The following DNAH2 variants were observed in gnomAD, a reference collection of about 807,000 sequenced individuals.
DNAH2 encodes the protein dynein axonemal heavy chain 2, also known as axonemal beta dynein heavy chain 2.
In DNAH2, 323 loss-of-function variants were observed where a neutral mutation model predicts 523.5. The ratio of observed to expected loss-of-function variants is 0.62; its 90% CI spans 0.56 to 0.68. DNAH2 has a LOEUF of 0.68. DNAH2 is among the 30% of genes least tolerant of loss of function. The pLI is 0.00. For missense variants in DNAH2, 4,907 were observed against 5,701.5 expected (o/e 0.86, Z 4.49); for synonymous variants, 2,093 against 2,177.4 (o/e 0.96, Z 1.08).
At chr17:7,747,894 C>A (rs2075561832) in intron 12 of DNAH2, among the ~76,000 whole-genome samples, 1 of 152,168 alleles carries the variant, frequency 6.6e-6, no homozygotes, top group South Asian at 2.1e-4. Flanking sequence ...GTAAAGAAAT[C>A]CAAGTCAGTT....
At chr17:7,743,268 C>T (rs564839067) in intron 12 of DNAH2, 126 bp downstream of exon 12, 36 of 1,058,868 alleles carry the variant, frequency 3.4e-5, no homozygotes, top group East Asian at 5.1e-5. Flanking sequence ...TGTTTGCTAT[C>T]GTCATTTTAC....
intron 12 of DNAH2, among the ~76,000 whole-genome samples, chr17:7,752,160 T>TACACACACATAC (rs1555544467): frequency 8.0e-6 from 1 of 124,952 alleles, no homozygotes; most frequent in Non-Finnish European, 1.6e-5. Context: ...TAAGTCATTT[T>TACACACACATAC]ACACACACAC....
At chr17:7,740,298 C>T (rs2075272879) in intron 9 of DNAH2, 122 bp from the exon 10 acceptor site, 1 of 1,456,162 alleles carries the variant, frequency 6.9e-7, no homozygotes, top group African/African-American at 1.4e-5. Context: ...AGGTAAAGTA[C>T]TTGGAGTGCC....
intron 18 of DNAH2, among the ~76,000 whole-genome samples, chr17:7,763,558 C>T (rs1390943371): frequency 2.0e-5 from 3 of 152,328 alleles, no homozygotes; most frequent in South Asian, 2.1e-4. Context: ...GGATTACAGG[C>T]GTGAGCCATC....
chr17:7,812,232 G>A (rs1175221090), intron 63 of DNAH2, among the ~76,000 whole-genome samples: 1 of 152,124 alleles, frequency 6.6e-6, no homozygotes, highest in African/African-American at 2.4e-5. Context: ...CTGGATCGGG[G>A]GTTATAAATC....
At chr17:7,768,091 G>A (rs371066482) in intron 23 of DNAH2, 30 bp downstream of exon 23, 2 of 1,614,022 alleles carry the variant, frequency 1.2e-6, no homozygotes, top group African/African-American at 2.7e-5. Context: ...AGGCGGAAGA[G>A]AAGCTGGTGG....
chr17:7,829,350 G>C (rs905029442), intron 77 of DNAH2, among the ~76,000 whole-genome samples: 5 of 151,996 alleles, frequency 3.3e-5, no homozygotes, highest in African/African-American at 7.2e-5. Flanking sequence ...ATCTATCCAC[G>C]GCCCTCCTCT....
chr17:7,786,575 C>A lies in DNAH2; in HGVS notation c.6354C>A (p.Phe2118Leu). 3 of 1,613,414 alleles carry A rather than the reference C, an allele frequency of 1.9e-6. No homozygotes were observed. Among genetic ancestry groups the A allele is most frequent in the Non-Finnish European group, 2.5e-6 (3 of 1,179,726 alleles). The change falls in exon 41 of 86, where the codon TTC becomes TTA. Residue 2118 changes from phenylalanine (F) to leucine (L), a missense_variant. Physicochemically the swap from Phe to Leu is conservative, Grantham distance 22. Transcript: ENST00000572933. This position sits in a 1 kb window ranked among gnomAD's most constrained non-coding sequence, Gnocchi z 7.5. Reference sequence around the variant, plus strand: ...CCTTCCGGTGTCATTTTCAGGAGTTCCCTTTGAACCCCAAGGCATTGTCCC... The same window carrying A: ...CCTTCCGGTGTCATTTTCAGGAGTTACCTTTGAACCCCAAGGCATTGTCCC... ...GDPNFNIVRE[F>L]PLNPKALSLG...
At chr17:7,812,233 G>T (rs1355220559) in intron 63 of DNAH2, among the ~76,000 whole-genome samples, 1 of 152,166 alleles carries the variant, frequency 6.6e-6, no homozygotes, top group South Asian at 2.1e-4. Context: ...TGGATCGGGG[G>T]TTATAAATCC....
At chr17:7,761,925 A>C (rs899324358) in intron 18 of DNAH2, among the ~76,000 whole-genome samples, 3 of 152,058 alleles carry the variant, frequency 2.0e-5, no homozygotes, top group African/African-American at 7.2e-5. Context: ...AAAAAAAGAA[A>C]TGAGCAAGTT....
chr17:7,780,130 T>C lies in DNAH2; in HGVS notation c.5723-27T>C, dbSNP rs751985102. On this transcript the variant is annotated intron_variant, in intron 36 of 85. Coordinates refer to ENST00000572933, the MANE Select transcript of DNAH2 (RefSeq NM_020877.5). This position sits in a 1 kb window ranked among gnomAD's most constrained non-coding sequence, Gnocchi z 4.4. ...CAAATCAAGATGAGGAAATATATGA[T>C]TCTAAGCAAGTGGCATTGTTTTCCA... The C allele has an allele frequency of 6.3e-7, 1 of 1,599,108 alleles. No homozygotes were observed. Among genetic ancestry groups the C allele is most frequent in the Admixed American group, 1.8e-5 (1 of 55,348 alleles).
At chr17:7,725,440 A>ATATATATATATATTTTTTTTTTTTT (rs958458949) in intron 3 of DNAH2, among the ~76,000 whole-genome samples, 1 of 130,506 alleles carries the variant, frequency 7.7e-6, no homozygotes, top group Non-Finnish European at 1.6e-5. Context: ...ATATATATAT[A>ATATATATATATATTTTTTTTTTTTT]TTTTCTTTTT....
At chr17:7,725,774 A>T (rs1416943054) in intron 3 of DNAH2, among the ~76,000 whole-genome samples, 3 of 142,426 alleles carry the variant, frequency 2.1e-5, no homozygotes, top group Non-Finnish European at 1.5e-5. Flanking sequence ...TTGCATTTTT[A>T]AAAATGACAT....
Position 7,786,528 on chromosome 17 carries a change from T to C in DNAH2, c.6349-42T>C. On this transcript the variant is annotated intron_variant, in intron 40 of 85. Transcript: ENST00000572933. The surrounding 1 kb of genome is among the most constrained non-coding windows in gnomAD (Gnocchi z 7.5). The stretch of plus-strand genomic sequence containing the variant: ...GGGGTCTGGAAATAAAGAGGGGTTT[T>C]TGTCCATCAGCAGCTAAAACCCCTT... 2 of 1,577,226 alleles carry C rather than the reference T, an allele frequency of 1.3e-6. No individual in the cohort carries two copies. The highest frequency in any genetic ancestry group is 3.4e-5 in the Admixed American group (2 of 59,520).
chr17:7,780,410 G>A lies in DNAH2; in HGVS notation c.5850+126G>A. The stretch of plus-strand genomic sequence containing the variant: ...TAAGGAACTTAGACTATTGTCAGTA[G>A]GATGTGTGGGGAGAAAAATTTAGGG... On this transcript the variant is annotated intron_variant, in intron 37 of 85. Coordinates refer to ENST00000572933, the MANE Select transcript of DNAH2 (RefSeq NM_020877.5). This position sits in a 1 kb window ranked among gnomAD's most constrained non-coding sequence, Gnocchi z 4.4. The A allele has an allele frequency of 6.8e-7, 1 of 1,480,682 alleles. No individual in the cohort carries two copies. Among genetic ancestry groups the A allele is most frequent in the South Asian group, 1.2e-5 (1 of 83,244 alleles). The allele number at this position is 1,480,682 out of a possible 1,614,324, so 91.7% of individuals were successfully genotyped here.
At position 7,833,510 on chromosome 17, in the gene DNAH2, C is replaced by G; in HGVS notation, c.13261C>G (p.Leu4421Val). 3 of 1,614,054 alleles carry G rather than the reference C, an allele frequency of 1.9e-6. No homozygotes were observed. The highest frequency in any genetic ancestry group is 1.1e-5 in the South Asian group (1 of 91,082). ...PDHWIKRGTA[L>V]LMSLDS is the part of the protein sequence containing the mutation. ...TCATTGGATCAAGAGGGGCACTGCT[C>G]TACTCATGAGCCTGGACAGCTGAGA... Residue 4421 changes from leucine to valine, a missense_variant, in exon 86 of 86, where the codon CTA (leucine) becomes GTA (valine). By Grantham distance (32) the Leu-to-Val change is conservative. Around this residue, in one of 3 missense-constraint regions of DNAH2, gnomAD observed 1,851 missense variants for 2,139.4 expected, o/e 0.87. Transcript: ENST00000572933.
intron 12 of DNAH2, 145 bp from the exon 13 acceptor site, chr17:7,756,946 C>A: frequency 8.1e-7 from 1 of 1,227,336 alleles, no homozygotes; most frequent in Non-Finnish European, 1.1e-6. Flanking sequence ...GCTGGGATTA[C>A]AGGCGTGAGC....
rs1456056260 is a variant in DNAH2, at chr17:7,778,341, G to C, written c.5413G>C (p.Ala1805Pro). Residue 1805 changes from alanine to proline, a missense_variant, in exon 35 of 86, where the codon GCA becomes CCA. By Grantham distance (27) the Ala-to-Pro change is conservative (BLOSUM62 -1). Transcript: ENST00000572933. ...LHRGGSPKGP[A>P]GTGKTETVKD... ...CCGAGGGGGCTCCCCCAAAGGCCCT[G>C]CAGGCACAGGCAAGACCGAGACCGT... 3.7e-6 allele frequency: 6 copies of C among 1,614,106 alleles called. No homozygotes were observed. The East Asian group carries it at 1.3e-4, about 36-fold the overall frequency.
intron 64 of DNAH2, 51 bp from the exon 65 acceptor site, chr17:7,817,239 C>CT: frequency 6.4e-7 from 1 of 1,566,054 alleles, no homozygotes; most frequent in South Asian, 1.2e-5. Context: ...TTCCAAGTGT[C>CT]TCCCAGAGTG....
Sources: allele counts gnomAD v4.1 joint callset (sites outside exome capture counted in the v4.1 genomes callset), GRCh38; gene constraint gnomAD v4.1.1; regional missense constraint gnomAD v4.1.1; non-coding constraint Gnocchi (gnomAD v3.1); transcripts MANE v1.5; gene names NCBI Gene and HGNC (gene_info 2026-07-23, HGNC 2026-07-21).